TUSC3: variants seen among roughly 807,000 people sequenced by gnomAD.
The protein encoded by TUSC3 is dolichyl-diphosphooligosaccharide--protein glycosyltransferase subunit TUSC3.
TUSC3 carries 45 observed loss-of-function variants against 44.8 expected under a neutral mutation model. The ratio of observed to expected loss-of-function variants is 1.00; its 90% CI spans 0.79 to 1.29. TUSC3 has a LOEUF of 1.29. Among genes scored for constraint, TUSC3 ranks in the 50% most tolerant of loss-of-function variants. The pLI is 0.00. For synonymous variants in TUSC3, 212 were observed against 152.9 expected, an observed-to-expected ratio of 1.39 and a Z score of -2.85; for missense variants, 519 against 437.9, an observed-to-expected ratio of 1.19 and a Z score of -1.65.
intron 2 of TUSC3, among the ~76,000 whole-genome samples, chr8:15,503,728 C>A (rs1330861462): frequency 6.6e-6 from 1 of 151,882 alleles, no homozygotes; most frequent in East Asian, 1.9e-4. Flanking sequence ...ATCGGCCAGC[C>A]ACAATGGCTC....
intron 1 of TUSC3, among the ~76,000 whole-genome samples, chr8:15,597,101 T>C (rs1320738896): frequency 6.6e-6 from 1 of 152,042 alleles, no homozygotes; most frequent in Non-Finnish European, 1.5e-5. Context: ...AGGTCAGAGA[T>C]ACAGTGATAA....
intron 6 of TUSC3, among the ~76,000 whole-genome samples, chr8:15,723,905 A>G (rs1810399875): frequency 6.6e-6 from 1 of 152,170 alleles, no homozygotes; most frequent in Non-Finnish European, 1.5e-5. Context: ...TAGGTTTTGA[A>G]GTGCTATCTT....
At chr8:15,625,342 A>C (rs1805453010) in intron 2 of TUSC3, among the ~76,000 whole-genome samples, 1 of 152,108 alleles carries the variant, frequency 6.6e-6, no homozygotes, top group African/African-American at 2.4e-5. Flanking sequence ...GTATCAGGGT[A>C]ATATTGTACT....
At position 15,515,659 on chromosome 8, in the gene TUSC3, T is replaced by C. The variant is rs557467812; in HGVS notation, n.189+32176T>C. On this transcript the variant is annotated intron_variant and non_coding_transcript_variant, in intron 2 of 5. Transcript: ENST00000503191. ...TATATTATATGATACAAAATATATA[T>C]ATATGTATGTATATACATATTTTTT... is the stretch of plus-strand genomic sequence containing the variant. Among the ~76,000 whole-genome samples the C allele has an allele frequency of 2.3e-3, 351 of 152,048 alleles. 1 individual carries two copies. The highest frequency in any genetic ancestry group is 0.014 in the Middle Eastern group (4 of 292).
intron 1 of TUSC3, among the ~76,000 whole-genome samples, chr8:15,586,377 T>G (rs1803603503): frequency 6.6e-6 from 1 of 151,978 alleles, no homozygotes; most frequent in Non-Finnish European, 1.5e-5. Flanking sequence ...AAAGAGGAGT[T>G]GGTTCTTGGG....
intron 2 of TUSC3, among the ~76,000 whole-genome samples, chr8:15,494,441 C>T (rs1382459466): frequency 6.6e-6 from 1 of 151,946 alleles, no homozygotes; most frequent in Non-Finnish European, 1.5e-5. Flanking sequence ...CCTCAGCCTC[C>T]GGAGTAGCTG....
At chr8:15,773,702 C>G in the TUSC3 span, among the ~76,000 whole-genome samples, 2 of 152,132 alleles carry the variant, frequency 1.3e-5, no homozygotes, top group Admixed American at 6.6e-5. Flanking sequence ...AATGGAAACA[C>G]AACTACCAGG....
At chr8:15,445,440 T>G (rs1800083198) in intron 1 of TUSC3, among the ~76,000 whole-genome samples, 1 of 151,980 alleles carries the variant, frequency 6.6e-6, no homozygotes. Context: ...GGATCTCTGG[T>G]TTTCCTAGGC....
At chr8:15,674,730 T>A (rs1808107345) in intron 6 of TUSC3, among the ~76,000 whole-genome samples, 1 of 152,072 alleles carries the variant, frequency 6.6e-6, no homozygotes, top group African/African-American at 2.4e-5. Context: ...AAAGCTAGCC[T>A]CTTTGAATAA....
At chr8:15,836,278 C>T in the TUSC3 span, among the ~76,000 whole-genome samples, 2 of 151,024 alleles carry the variant, frequency 1.3e-5, no homozygotes, top group African/African-American at 4.9e-5. Flanking sequence ...GAGTTCAAGA[C>T]AAGCCTGACC....
chr8:15,837,933 G>C, the TUSC3 span, among the ~76,000 whole-genome samples: 2 of 152,144 alleles, frequency 1.3e-5, no homozygotes, highest in African/African-American at 4.8e-5. Flanking sequence ...TCTTTACCAG[G>C]AGTTTGCATG....
chr8:15,730,100 A>C (rs1810656644), intron 6 of TUSC3, among the ~76,000 whole-genome samples: 1 of 152,192 alleles, frequency 6.6e-6, no homozygotes. Flanking sequence ...TAGAAGCCAA[A>C]TAATCTAGAT....
At position 15,573,157 on chromosome 8, in the gene TUSC3, GTTCTCTCTCT is replaced by G. The variant is rs1221307186; in HGVS notation, c.138+32600_138+32609del. ...TGCTTAACTATTGCTTCAGTATAGT[GTTCTCTCTCT>G]TTCTCTCTCTCTCTCTCTCTCTCTC... On this transcript the variant is annotated intron_variant, in intron 1 of 10. Transcript: ENST00000503731. Among the ~76,000 whole-genome samples the G allele has an allele frequency of 3.0e-3, 306 of 103,216 alleles. 2 individuals carry two copies. Among genetic ancestry groups the G allele is most frequent in the South Asian group, 4.6e-3 (15 of 3,250 alleles). The allele number at this position is 103,216 out of a possible 152,430, so 67.7% of individuals were successfully genotyped here.
intron 2 of TUSC3, among the ~76,000 whole-genome samples, chr8:15,513,503 C>G (rs1325390828): frequency 6.6e-6 from 1 of 152,100 alleles, no homozygotes; most frequent in African/African-American, 2.4e-5. Context: ...TCAGGAACTG[C>G]TTGTAAAACT....
chr8:15,692,908 T>G (rs918039921), intron 6 of TUSC3, among the ~76,000 whole-genome samples: 1 of 152,212 alleles, frequency 6.6e-6, no homozygotes, highest in East Asian at 1.9e-4. Context: ...TTTACCACTA[T>G]GTAAAGGGCT....
intron 1 of TUSC3, among the ~76,000 whole-genome samples, chr8:15,555,185 G>T (rs1385363052): frequency 2.1e-5 from 2 of 97,026 alleles, no homozygotes; most frequent in Non-Finnish European, 3.7e-5. Flanking sequence ...ATCTTACTCT[G>T]TTGTCCAGGG....
chr8:15,461,361 A>T (rs1800342362), intron 1 of TUSC3, among the ~76,000 whole-genome samples: 2 of 151,910 alleles, frequency 1.3e-5, no homozygotes, highest in African/African-American at 4.8e-5. Flanking sequence ...TGTATAGGAG[A>T]GTTAATTTGT....
intron 1 of TUSC3, among the ~76,000 whole-genome samples, chr8:15,480,593 G>T (rs1279369899): frequency 1.3e-5 from 2 of 152,120 alleles, no homozygotes; most frequent in African/African-American, 2.4e-5. Context: ...ATATAGCCAT[G>T]CCATGGACAT....
At chr8:15,681,597 T>A (rs1300839305) in intron 6 of TUSC3, among the ~76,000 whole-genome samples, 1 of 151,736 alleles carries the variant, frequency 6.6e-6, no homozygotes, top group Non-Finnish European at 1.5e-5. Context: ...TCTTTCGATC[T>A]TGTTTATCCT....
Sources: gnomAD v4.1 joint callset for allele counts (sites outside exome capture counted in the v4.1 genomes callset) on GRCh38, gnomAD v4.1.1 for gene constraint, MANE v1.5 for transcripts, NCBI Gene and HGNC (gene_info 2026-07-23, HGNC 2026-07-21) for gene names.